The following USO1 variants were observed in gnomAD, a reference collection of about 807,000 sequenced individuals.
USO1 encodes the protein USO1 vesicle transport factor.
USO1 carries 57 observed loss-of-function variants against 124.5 expected under a neutral mutation model. That is an observed-to-expected ratio of 0.46 (90% CI 0.37 to 0.57). The LOEUF (loss-of-function observed/expected upper bound fraction) is 0.57. Ranked by LOEUF, USO1 falls within the 20% of genes least tolerant of loss-of-function variation. The pLI, the probability that USO1 is intolerant of heterozygous loss-of-function variation, is 0.00. For missense variants in USO1, 900 were observed against 1,040.6 expected (o/e 0.86, Z 1.86); for synonymous variants, 369 against 362.8 (o/e 1.02, Z -0.19).
At chr4:75,737,569 C>T (rs972211776) in intron 1 of USO1, among the ~76,000 whole-genome samples, 1 of 151,966 alleles carries the variant, frequency 6.6e-6, no homozygotes, top group Non-Finnish European at 1.5e-5. Context: ...GTGTTGCATG[C>T]GTGTAGTCCC....
chr4:75,758,849 C>T (rs987243967), intron 4 of USO1, among the ~76,000 whole-genome samples: 1 of 152,092 alleles, frequency 6.6e-6, no homozygotes, highest in South Asian at 2.1e-4. Context: ...TTGTCAGTCA[C>T]GTGACAATAC....
intron 22 of USO1, among the ~76,000 whole-genome samples, chr4:75,811,515 T>TAACAAAACAAGGAG (rs1261459764): frequency 6.6e-6 from 1 of 152,184 alleles, no homozygotes; most frequent in East Asian, 1.9e-4. Context: ...GAGTACAAAT[T>TAACAAAACAAGGAG]TAGCTAATAC....
chr4:75,811,943 A>T (rs1723163324), intron 22 of USO1, among the ~76,000 whole-genome samples: 1 of 152,040 alleles, frequency 6.6e-6, no homozygotes, highest in Admixed American at 6.6e-5. Flanking sequence ...TATTTTTTGG[A>T]TGTTAAACTA....
chr4:75,782,723 A>T lies in USO1; in HGVS notation c.720A>T (p.Leu240Phe), dbSNP rs763964565. 2 of 1,576,044 alleles carry T rather than the reference A, an allele frequency of 1.3e-6. No individual in the cohort carries two copies. The highest frequency in any genetic ancestry group is 4.6e-5 in the East Asian group (2 of 43,698). Residue 240 changes from leucine (L) to phenylalanine (F), a missense_variant, in exon 9 of 24, where the codon TTA (leucine) becomes TTT (phenylalanine). This residue lies in a region of USO1 where 538 missense variants were observed against 681.6 expected (regional missense o/e 0.79). Coordinates refer to ENST00000514213, the MANE Select transcript of USO1 (RefSeq NM_003715.4). ...EDCLILLQNL[L>F]KNNNSNQNFF... Reference sequence around the variant, plus strand: ...GTTTGATTTTGCTCCAAAACTTATTAAAAAACAACAACTCCAATCAAAATT... The same window carrying T: ...GTTTGATTTTGCTCCAAAACTTATTTAAAAACAACAACTCCAATCAAAATT...
chr4:75,729,428 C>G (rs2149135648), intron 1 of USO1, among the ~76,000 whole-genome samples: 1 of 152,236 alleles, frequency 6.6e-6, no homozygotes, highest in South Asian at 2.1e-4. Flanking sequence ...CAGCCTCCGC[C>G]TCCTGGGTTC....
chr4:75,754,147 G>A lies in USO1; in HGVS notation c.218+1543G>A, dbSNP rs148384506. Among the ~76,000 whole-genome samples the A allele has an allele frequency of 7.9e-3, 1,181 of 149,894 alleles. 16 individuals are homozygous for A. The highest frequency in any genetic ancestry group is 0.027 in the African/African-American group (1,109 of 40,728). Reference sequence around the variant, plus strand: ...GCCCAGGCTGGAGTACAATGTTGCAGTCTAGGCTCACTGCAGCCTCTGCCT... The same window carrying A: ...GCCCAGGCTGGAGTACAATGTTGCAATCTAGGCTCACTGCAGCCTCTGCCT... On this transcript the variant is annotated intron_variant, in intron 3 of 23. Transcript: ENST00000514213.
intron 1 of USO1, among the ~76,000 whole-genome samples, chr4:75,741,805 T>C (rs970378791): frequency 2.6e-5 from 4 of 152,072 alleles, no homozygotes; most frequent in African/African-American, 9.7e-5. Context: ...GGTTTCACCA[T>C]GTTGGCCAGG....
intron 1 of USO1, among the ~76,000 whole-genome samples, chr4:75,747,177 C>A (rs969729489): frequency 4.6e-5 from 7 of 152,056 alleles, no homozygotes; most frequent in Admixed American, 3.3e-4. Flanking sequence ...TTTAGATCAC[C>A]ATCAGAAATC....
intron 8 of USO1, among the ~76,000 whole-genome samples, chr4:75,778,439 A>G (rs1027565379): frequency 1.3e-5 from 2 of 152,188 alleles, no homozygotes; most frequent in East Asian, 1.9e-4. Context: ...AGCAAAAGGA[A>G]GGATTGGTCT....
intron 1 of USO1, among the ~76,000 whole-genome samples, chr4:75,732,859 CAG>C (rs930701691): frequency 5.1e-5 from 5 of 98,512 alleles, no homozygotes; most frequent in African/African-American, 1.7e-4. Context: ...AGCCTGGCGA[CAG>C]AGCGAGATTC....
chr4:75,775,069 T>C (rs1216049911), intron 8 of USO1, among the ~76,000 whole-genome samples: 1 of 152,204 alleles, frequency 6.6e-6, no homozygotes, highest in Non-Finnish European at 1.5e-5. Flanking sequence ...TCTGAAGCTA[T>C]AGATTATTAT....
In USO1 at chr4:75,728,007, G is replaced by A. The variant is rs529097716; in HGVS notation, c.66+3122G>A. Among the ~76,000 whole-genome samples, 17 of 152,222 alleles carry A rather than the reference G, an allele frequency of 1.1e-4. No individual in the cohort carries two copies. The South Asian group carries it at 3.3e-3, about 30-fold the overall frequency. The stretch of plus-strand genomic sequence containing the variant: ...GTATTTTAATCTTTGTTTTTCCACA[G>A]TAGTAGATGCCCAGTAAATACTTGT... On this transcript the variant is annotated intron_variant, in intron 1 of 23. Transcript: ENST00000514213.
At chr4:75,792,397 C>T (rs1291496823) in intron 12 of USO1, among the ~76,000 whole-genome samples, 42 of 152,164 alleles carry the variant, frequency 2.8e-4, no homozygotes, top group Non-Finnish European at 2.9e-5. Context: ...ATTATCCGGG[C>T]ATGGTGATGC....
chr4:75,767,176 C>T (rs1721788802), intron 4 of USO1, among the ~76,000 whole-genome samples: 2 of 152,102 alleles, frequency 1.3e-5, no homozygotes, highest in Admixed American at 6.6e-5. Flanking sequence ...GATTTCTTTC[C>T]TTCCCCCTTC....
In USO1 at chr4:75,795,434, G is replaced by GTT. The variant is rs1413628359; in HGVS notation, c.1452+1541_1452+1542dup. 3.4e-5 allele frequency: 23 copies of GTT among 667,328 alleles called. No individual in the cohort carries two copies. The East Asian group carries it at 6.1e-4, about 18-fold the overall frequency. 41.3% of individuals were successfully genotyped at this position (667,328 alleles called of 1,614,324 possible). ...TCTCTGTCTTGGGTTTTGCTGATTGGTTTTTTTTTAACTGCTTGTTTGAAG... is the reference window on the plus strand; with the variant it reads ...TCTCTGTCTTGGGTTTTGCTGATTGGTTTTTTTTTTTAACTGCTTGTTTGAAG... On this transcript the variant is annotated intron_variant, in intron 13 of 23. Coordinates refer to ENST00000514213, the MANE Select transcript of USO1 (RefSeq NM_003715.4).
At chr4:75,740,650 T>C (rs983453465) in intron 1 of USO1, among the ~76,000 whole-genome samples, 3 of 152,320 alleles carry the variant, frequency 2.0e-5, no homozygotes, top group East Asian at 1.9e-4. Flanking sequence ...ACATAGCTAC[T>C]GTAAATAGCA....
At chr4:75,762,164 C>CTTTTTTTTTTTTTTTTTTTTT in intron 4 of USO1, among the ~76,000 whole-genome samples, 1 of 70,156 alleles carries the variant, frequency 1.4e-5, no homozygotes, top group Non-Finnish European at 2.6e-5. Flanking sequence ...AACAATTTTA[C>CTTTTTTTTTTTTTTTTTTTTT]TTTTTTTTTT....
rs377342450 is a variant in USO1, at chr4:75,729,467, G to A, written c.66+4582G>A. Among the ~76,000 whole-genome samples the A allele has an allele frequency of 1.1e-4, 17 of 152,174 alleles. 1 individual carries two copies. The highest frequency in any genetic ancestry group is 3.9e-4 in the African/African-American group (16 of 41,512). ...CAGTTCTCCTGGCTCAGTCTCCCGA[G>A]CAGCTGGGACTACAGGTGCACGCCA... is the stretch of plus-strand genomic sequence containing the variant. On this transcript the variant is annotated intron_variant, in intron 1 of 23. Transcript: ENST00000514213.
Position 75,749,989 on chromosome 4 carries a change from G to A in USO1, c.67-2384G>A, listed in dbSNP as rs967677402. 1.4e-4 allele frequency among the ~76,000 whole-genome samples: 21 copies of A among 152,192 alleles called. No homozygotes were observed. The Middle Eastern group carries it at 0.01, about 74-fold the overall frequency. On this transcript the variant is annotated intron_variant, in intron 1 of 23. Coordinates refer to ENST00000514213, the MANE Select transcript of USO1 (RefSeq NM_003715.4). ...AGCATGGTCTCGATCTCCTGACCTC[G>A]TGATCCACCCACCTCAGCCTCCCAA...
Sources: allele counts gnomAD v4.1 joint callset (sites outside exome capture counted in the v4.1 genomes callset), GRCh38; gene constraint gnomAD v4.1.1; regional missense constraint gnomAD v4.1.1; transcripts MANE v1.5; gene names NCBI Gene and HGNC (gene_info 2026-07-23, HGNC 2026-07-21).